The following PRDM2 variants were observed in gnomAD, a reference collection of about 807,000 sequenced individuals.
The protein encoded by PRDM2 is PR/SET domain 2.
In PRDM2, 30 loss-of-function variants were observed where a neutral mutation model predicts 130.0. The observed-to-expected ratio is 0.23, with a 90% CI of 0.17 to 0.31. The LOEUF (loss-of-function observed/expected upper bound fraction) is 0.31, where lower values mean the gene tolerates loss of function less well. Among genes scored for constraint, PRDM2 ranks in the 10% least tolerant of loss-of-function variants. The pLI is 1.00. For synonymous variants in PRDM2, 871 were observed against 782.4 expected (o/e 1.11, Z -1.89); for missense variants, 2,011 against 2,108.4 (o/e 0.95, Z 0.90).
intron 2 of PRDM2, among the ~76,000 whole-genome samples, chr1:13,723,609 C>T (rs999281449): frequency 1.3e-5 from 2 of 152,188 alleles, no homozygotes; most frequent in African/African-American, 4.8e-5. Flanking sequence ...CTCTTTGGCT[C>T]TGCGATGACT....
intron 6 of PRDM2, among the ~76,000 whole-genome samples, chr1:13,767,660 G>A (rs1317065627): frequency 6.6e-6 from 1 of 151,958 alleles, no homozygotes; most frequent in Non-Finnish European, 1.5e-5. Flanking sequence ...GTGAAATAAT[G>A]GATCTGTAGA....
Position 13,715,575 on chromosome 1 carries a change from G to A in PRDM2, c.-31G>A, listed in dbSNP as rs762791133. ...AATCAAAGAAGTTTCTTTGTTGTGT[G>A]TATCTTTACAGAACACAACAGGAAT... On this transcript the variant is annotated 5_prime_UTR_variant, in exon 2 of 10. Transcript: ENST00000311066. 1 of 1,558,394 alleles carries A rather than the reference G, an allele frequency of 6.4e-7. No individual in the cohort carries two copies.
chr1:13,768,199 T>A (rs1056371531), intron 6 of PRDM2, among the ~76,000 whole-genome samples: 44 of 146,404 alleles, frequency 3.0e-4, no homozygotes, highest in African/African-American at 1.1e-3. Flanking sequence ...TGCCTCAGCC[T>A]CCCAAGTAGC....
Position 13,780,454 on chromosome 1 carries a change from A to G in PRDM2, c.2659A>G (p.Met887Val), listed in dbSNP as rs1241608929. 1 of 1,614,222 alleles carries G rather than the reference A, an allele frequency of 6.2e-7. No homozygotes were observed. The highest frequency in any genetic ancestry group is 8.5e-7 in the Non-Finnish European group (1 of 1,180,044). The change falls in exon 8 of 10, where the codon ATG becomes GTG. Residue 887 changes from methionine (M) to valine (V), a missense_variant. Physicochemically the swap from Met to Val is conservative, Grantham distance 21 (BLOSUM62 1). Transcript: ENST00000311066. Reference sequence around the variant, plus strand: ...AAAGAAAAGGAAACCAACCACCTGCATGCTGCAGAAGGTTCTTCTCAATGA... The same window carrying G: ...AAAGAAAAGGAAACCAACCACCTGCGTGCTGCAGAAGGTTCTTCTCAATGA... ...AVKKRKPTTC[M>V]LQKVLLNEYN... is the part of the protein sequence containing the mutation.
chr1:13,728,538 C>T (rs1281547006), intron 2 of PRDM2, among the ~76,000 whole-genome samples: 2 of 152,106 alleles, frequency 1.3e-5, no homozygotes, highest in Non-Finnish European at 2.9e-5. Flanking sequence ...GGCTGCCCAG[C>T]GTCTGGGTTG....
chr1:13,735,894 A>G (rs1456175446), intron 4 of PRDM2, among the ~76,000 whole-genome samples: 4 of 152,194 alleles, frequency 2.6e-5, no homozygotes, highest in Non-Finnish European at 4.4e-5. Context: ...TCCAGGCGCA[A>G]CCACTGTGAA....
chr1:13,736,076 A>G (rs931685576), intron 4 of PRDM2, among the ~76,000 whole-genome samples: 1 of 148,088 alleles, frequency 6.8e-6, no homozygotes, highest in Non-Finnish European at 1.5e-5. Context: ...GGACATATCT[A>G]TGTCTACTAC....
intron 6 of PRDM2, among the ~76,000 whole-genome samples, chr1:13,750,002 G>C (rs1444963725): frequency 6.6e-6 from 1 of 152,222 alleles, no homozygotes; most frequent in South Asian, 2.1e-4. Flanking sequence ...GTGAGAGACA[G>C]AGACAGGAGG....
chr1:13,726,555 C>T lies in PRDM2; in HGVS notation c.10-4445C>T, dbSNP rs77060787. Among the ~76,000 whole-genome samples the T allele has an allele frequency of 8.1e-3, 1,233 of 152,204 alleles. 14 individuals are homozygous for T. Among genetic ancestry groups the T allele is most frequent in the African/African-American group, 0.029 (1,188 of 41,520 alleles). ...ACGGATGGGCTGAATGAAGGAGAGA[C>T]GCTTTGGCGATTAATTGGGGGAAGA... On this transcript the variant is annotated intron_variant, in intron 2 of 9. Transcript: ENST00000311066.
chr1:13,770,282 C>G (rs1557637030), intron 6 of PRDM2: 1 of 471,112 alleles, frequency 2.1e-6, no homozygotes, highest in Non-Finnish European at 4.2e-6. Context: ...GCTAGGTGCT[C>G]TAACATTCTT....
chr1:13,709,538 A>T (rs1642306217), intron 1 of PRDM2, among the ~76,000 whole-genome samples: 1 of 152,228 alleles, frequency 6.6e-6, no homozygotes. Flanking sequence ...ACGACACTAC[A>T]AATCTAGTCT....
At chr1:13,769,714 A>G (rs1644315386) in intron 6 of PRDM2, among the ~76,000 whole-genome samples, 3 of 152,182 alleles carry the variant, frequency 2.0e-5, no homozygotes, top group Admixed American at 2.0e-4. Flanking sequence ...TATTCACCAA[A>G]TTTAGTTTGG....
At chr1:13,821,621 ATGTATTTT>A (rs367745659) in intron 9 of PRDM2, among the ~76,000 whole-genome samples, 8 of 151,614 alleles carry the variant, frequency 5.3e-5, no homozygotes, top group Admixed American at 2.6e-4. Context: ...ACCATCACTA[ATGTATTTT>A]TGTATTTTTG....
intron 2 of PRDM2, among the ~76,000 whole-genome samples, chr1:13,723,430 T>C (rs1642799360): frequency 6.6e-6 from 1 of 152,098 alleles, no homozygotes; most frequent in Non-Finnish European, 1.5e-5. Context: ...TGCAGGATGA[T>C]TGGAGATTCC....
At chr1:13,802,089 G>A (rs980937704) in intron 8 of PRDM2, among the ~76,000 whole-genome samples, 1 of 152,232 alleles carries the variant, frequency 6.6e-6, no homozygotes, top group Non-Finnish European at 1.5e-5. Flanking sequence ...CGAGCAGAAA[G>A]GTAGAAGGCA....
Position 13,779,985 on chromosome 1 carries a change from AAGTAGGTTTAAG to A in PRDM2, c.2193_2204del (p.Ser731_Lys734del), listed in dbSNP as rs1644570614. ...CTGCATCAATGTTGCCTGTGACCTCAAGTAGGTTTAAGAGGCGGACCAGCTCTCCTCCCAGTT... is the reference window on the plus strand; with the variant it reads ...CTGCATCAATGTTGCCTGTGACCTCAAGGCGGACCAGCTCTCCTCCCAGTT... On this transcript the variant is annotated inframe_deletion, in exon 8 of 10. Transcript: ENST00000311066. This position sits in a 1 kb window ranked among gnomAD's most constrained non-coding sequence, Gnocchi z 4.9. 1 of 1,614,038 alleles carries A rather than the reference AAGTAGGTTTAAG, an allele frequency of 6.2e-7. No homozygotes were observed. The highest frequency in any genetic ancestry group is 8.5e-7 in the Non-Finnish European group (1 of 1,180,040).
At chr1:13,746,998 C>T (rs1643630401) in intron 5 of PRDM2, among the ~76,000 whole-genome samples, 1 of 152,246 alleles carries the variant, frequency 6.6e-6, no homozygotes, top group Non-Finnish European at 1.5e-5. Flanking sequence ...ACAAGAATAT[C>T]TTAGGACATG....
chr1:13,787,140 T>G, intron 8 of PRDM2: 1 of 985,564 alleles, frequency 1.0e-6, no homozygotes, highest in Non-Finnish European at 1.2e-6. Flanking sequence ...CTCTTTTTTA[T>G]GCCTATTCTG....
intron 8 of PRDM2, among the ~76,000 whole-genome samples, chr1:13,810,783 C>T (rs1052939000): frequency 3.9e-5 from 6 of 152,128 alleles, no homozygotes; most frequent in East Asian, 2.0e-4. Context: ...CGTGAGCCAC[C>T]GCACCTGGCT....
Sources: allele counts gnomAD v4.1 joint callset (sites outside exome capture counted in the v4.1 genomes callset), GRCh38; gene constraint gnomAD v4.1.1; non-coding constraint Gnocchi (gnomAD v3.1); transcripts MANE v1.5; gene names NCBI Gene and HGNC (gene_info 2026-07-23, HGNC 2026-07-21).